The following LYRM7 variants were observed in gnomAD, a reference collection of about 807,000 sequenced individuals.
LYRM7 encodes the protein complex III assembly factor LYRM7.
In LYRM7, 9 loss-of-function variants were observed where a neutral mutation model predicts 15.8. That is an observed-to-expected ratio of 0.57 (90% CI 0.34 to 0.99). The LOEUF (loss-of-function observed/expected upper bound fraction) is 0.99, where lower values mean the gene tolerates loss of function less well. Among genes scored for constraint, LYRM7 ranks in the 50% least tolerant of loss-of-function variants. LYRM7 has a pLI of 0.02. For missense variants in LYRM7, 115 were observed against 119.1 expected, an observed-to-expected ratio of 0.97 and a Z score of 0.16; for synonymous variants, 39 against 39.4, an observed-to-expected ratio of 0.99 and a Z score of 0.04.
In LYRM7 at chr5:131,200,800, G is replaced by A. The variant is rs1403504983; in HGVS notation, c.*1199G>A. 1 of 151,868 alleles carries A rather than the reference G, an allele frequency of 6.6e-6. No homozygotes were observed. Among genetic ancestry groups the A allele is most frequent in the East Asian group, 1.9e-4 (1 of 5,300 alleles). 9.4% of individuals were successfully genotyped at this position (151,868 alleles called of 1,614,324 possible). On this transcript the variant is annotated 3_prime_UTR_variant, in exon 5 of 5. Coordinates refer to ENST00000379380, the MANE Select transcript of LYRM7 (RefSeq NM_181705.4). ...TTAGTGTCTATATGACATATTTTGA[G>A]GAAAGTTGGCTGACGTTATTTAAAT... is the stretch of plus-strand genomic sequence containing the variant.
chr5:131,183,269 T>C (rs1440152592), intron 3 of LYRM7, among the ~76,000 whole-genome samples: 5 of 152,160 alleles, frequency 3.3e-5, no homozygotes, highest in African/African-American at 7.2e-5. Flanking sequence ...AAGGGAAAGA[T>C]TTTGCTGAAA....
At chr5:131,176,500 G>A (rs1326892081) in intron 1 of LYRM7, among the ~76,000 whole-genome samples, 2 of 147,168 alleles carry the variant, frequency 1.4e-5, no homozygotes, top group Non-Finnish European at 3.0e-5. Context: ...ATCTTTTTAT[G>A]GCTTATTGGC....
chr5:131,171,598 G>A (rs953105303), intron 1 of LYRM7: 1 of 152,210 alleles, frequency 6.6e-6, no homozygotes, highest in Non-Finnish European at 1.5e-5. Context: ...ACCTCTCTGA[G>A]TACCTACCTG....
intron 4 of LYRM7, among the ~76,000 whole-genome samples, chr5:131,193,977 C>G (rs1320530301): frequency 1.3e-5 from 2 of 152,016 alleles, no homozygotes; most frequent in Non-Finnish European, 2.9e-5. Context: ...CCATTGCACT[C>G]CAGCCTGGGC....
At chr5:131,181,979 G>C (rs2149661766) in intron 2 of LYRM7, among the ~76,000 whole-genome samples, 1 of 152,212 alleles carries the variant, frequency 6.6e-6, no homozygotes, top group East Asian at 1.9e-4. Flanking sequence ...GAATTTGAGA[G>C]TAAAAATCAG....
chr5:131,177,562 G>A (rs977141451), intron 1 of LYRM7, among the ~76,000 whole-genome samples: 4 of 152,176 alleles, frequency 2.6e-5, no homozygotes, highest in African/African-American at 9.7e-5. Context: ...TCTTCTTACA[G>A]TGGTGCTATT....
rs934509975 is a variant in LYRM7, at chr5:131,200,092, C to G, written c.*491C>G. 4 of 152,256 alleles carry G rather than the reference C, an allele frequency of 2.6e-5. No individual in the cohort carries two copies. Among genetic ancestry groups the G allele is most frequent in the African/African-American group, 9.7e-5 (4 of 41,412 alleles). The allele number at this position is 152,256 out of a possible 1,614,324, so 9.4% of individuals were successfully genotyped here. On this transcript the variant is annotated 3_prime_UTR_variant, in exon 5 of 5. Coordinates refer to ENST00000379380, the MANE Select transcript of LYRM7 (RefSeq NM_181705.4). Reference sequence around the variant, plus strand: ...AAAGTGGCCTTTGTTTTCTAAAGCACTGGGATTATTTCTGTAGCTAATATA... The same window carrying G: ...AAAGTGGCCTTTGTTTTCTAAAGCAGTGGGATTATTTCTGTAGCTAATATA...
intron 1 of LYRM7, among the ~76,000 whole-genome samples, chr5:131,176,480 GA>G (rs1198328964): frequency 6.7e-6 from 1 of 149,214 alleles, no homozygotes; most frequent in Non-Finnish European, 1.5e-5. Context: ...GATGGCACAT[GA>G]CATTGAACAT....
At chr5:131,193,119 A>G (rs1039672443) in intron 4 of LYRM7, among the ~76,000 whole-genome samples, 3 of 152,232 alleles carry the variant, frequency 2.0e-5, no homozygotes, top group African/African-American at 7.2e-5. Flanking sequence ...TAAAAAAACA[A>G]AAAGCTCCAA....
chr5:131,199,538 C>G lies in LYRM7; in HGVS notation c.252C>G (p.Val84=). Residue 84 remains valine (V), a synonymous_variant, in exon 5 of 5, where the codon GTC becomes GTG. Transcript: ENST00000379380. ...TTTTTTTTTTTCTTTCAGAACTGGT[C>G]CCTAGGAAAGACCTTCTTGTAGAAA... ...IHTDHNTLKL[V]PRKDLLVENV... 1.3e-6 allele frequency: 2 copies of G among 1,591,878 alleles called. No individual in the cohort carries two copies. Among genetic ancestry groups the G allele is most frequent in the Admixed American group, 3.5e-5 (2 of 57,770 alleles).
intron 4 of LYRM7, among the ~76,000 whole-genome samples, chr5:131,195,132 G>A (rs1476360393): frequency 6.6e-6 from 1 of 152,018 alleles, no homozygotes; most frequent in Non-Finnish European, 1.5e-5. Flanking sequence ...GCCAGGCATG[G>A]TGGTGGGCGC....
At chr5:131,192,703 A>G (rs559786306) in intron 4 of LYRM7, among the ~76,000 whole-genome samples, 5 of 152,276 alleles carry the variant, frequency 3.3e-5, no homozygotes, top group African/African-American at 1.2e-4. Flanking sequence ...TTTCTTTCCA[A>G]ATATTTTCTG....
chr5:131,192,556 T>C (rs958594907), intron 4 of LYRM7, among the ~76,000 whole-genome samples: 12 of 152,188 alleles, frequency 7.9e-5, no homozygotes, highest in Non-Finnish European at 1.5e-4. Flanking sequence ...TATGTATCAA[T>C]TAAAAATAAT....
At position 131,176,746 on chromosome 5, in the gene LYRM7, T is replaced by C. The variant is rs551788112; in HGVS notation, c.19-3349T>C. Among the ~76,000 whole-genome samples, 3 of 152,136 alleles carry C rather than the reference T, an allele frequency of 2.0e-5. No individual in the cohort carries two copies. The East Asian group carries it at 5.8e-4, about 29-fold the overall frequency. On this transcript the variant is annotated intron_variant, in intron 1 of 4. Transcript: ENST00000379380. ...TCCTATCCTCCTCCCTTTTGGCGTCTCCCTTTTGGCGTTCTATCCACAAAG... is the reference window on the plus strand; with the variant it reads ...TCCTATCCTCCTCCCTTTTGGCGTCCCCCTTTTGGCGTTCTATCCACAAAG...
chr5:131,201,072 T>G lies in LYRM7; in HGVS notation c.*1471T>G, dbSNP rs1756054399. 6.6e-6 allele frequency: 1 copy of G among 152,074 alleles called. No homozygotes were observed. Among genetic ancestry groups the G allele is most frequent in the Non-Finnish European group, 1.5e-5 (1 of 67,984 alleles). 9.4% of individuals were successfully genotyped at this position (152,074 alleles called of 1,614,324 possible). On this transcript the variant is annotated 3_prime_UTR_variant, in exon 5 of 5. Coordinates refer to ENST00000379380, the MANE Select transcript of LYRM7 (RefSeq NM_181705.4). ...TGGCTCACACCTGTAATCCCGCACT[T>G]TGGGAGGCTGAGGCGGGCAGATCAC...
At chr5:131,180,248 A>C in intron 2 of LYRM7, 81 bp downstream of exon 2, 1 of 946,674 alleles carries the variant, frequency 1.1e-6, no homozygotes. Context: ...TGTGTGGTCA[A>C]GACCCATTTT....
chr5:131,179,018 A>G (rs958162608), intron 1 of LYRM7, among the ~76,000 whole-genome samples: 16 of 151,964 alleles, frequency 1.1e-4, no homozygotes, highest in African/African-American at 3.9e-4. Flanking sequence ...AAATTGTTTA[A>G]AACATCTTCC....
At chr5:131,188,608 A>C (rs939003072) in intron 4 of LYRM7, among the ~76,000 whole-genome samples, 5 of 151,894 alleles carry the variant, frequency 3.3e-5, no homozygotes, top group African/African-American at 1.2e-4. Flanking sequence ...CTGCCTTTTT[A>C]TTGTTGATCT....
At chr5:131,172,811 G>A (rs1306577973) in intron 1 of LYRM7, among the ~76,000 whole-genome samples, 3 of 152,212 alleles carry the variant, frequency 2.0e-5, no homozygotes, top group Non-Finnish European at 1.5e-5. Context: ...CTTACATTAA[G>A]TGACAATCTC....
Sources: gnomAD v4.1 joint callset for allele counts (sites outside exome capture counted in the v4.1 genomes callset) on GRCh38, gnomAD v4.1.1 for gene constraint, MANE v1.5 for transcripts, NCBI Gene and HGNC (gene_info 2026-07-23, HGNC 2026-07-21) for gene names.